Variants in ADGRL4 observed in about 807,000 individuals in gnomAD.
ADGRL4 encodes adhesion G protein-coupled receptor L4, also known as EGF, latrophilin and seven transmembrane domain containing 1.
In ADGRL4, 90 loss-of-function variants were observed where a neutral mutation model predicts 74.8. The observed-to-expected ratio is 1.20, with a 90% confidence interval of 1.02 to 1.43. The LOEUF (loss-of-function observed/expected upper bound fraction) is 1.43. Ranked by LOEUF, ADGRL4 falls within the 40% of genes most tolerant of loss-of-function variation. The pLI is 0.00. For missense variants in ADGRL4, 881 were observed against 814.3 expected, an observed-to-expected ratio of 1.08 and a Z score of -1.00; for synonymous variants, 311 against 279.2, an observed-to-expected ratio of 1.11 and a Z score of -1.14.
Position 78,943,264 on chromosome 1 carries a change from A to T in ADGRL4, c.325+3010T>A, listed in dbSNP as rs1259112369. On this transcript the variant is annotated intron_variant, in intron 3 of 14. Transcript: ENST00000370742. ...TGCTCTAAAACACATGGTGAAATTG[A>T]AGGAATTCATGGCTTCTATTAATTT... 2.6e-5 allele frequency among the ~76,000 whole-genome samples: 4 copies of T among 152,186 alleles called. No individual in the cohort carries two copies. The East Asian group carries it at 7.7e-4, about 29-fold the overall frequency.
chr1:78,970,728 A>C (rs1650151348), intron 2 of ADGRL4, among the ~76,000 whole-genome samples: 1 of 152,036 alleles, frequency 6.6e-6, no homozygotes, highest in Non-Finnish European at 1.5e-5. Flanking sequence ...CCATTGAAAA[A>C]ATCTCTTTGT....
At chr1:78,892,998 A>T in intron 13 of ADGRL4, 100 bp downstream of exon 13, 1 of 702,650 alleles carries the variant, frequency 1.4e-6, no homozygotes, top group Non-Finnish European at 2.3e-6. Flanking sequence ...GTATGAAACA[A>T]TCATTTAAAA....
chr1:78,917,520 A>G (rs945405695), intron 12 of ADGRL4, 114 bp downstream of exon 12: 9 of 589,098 alleles, frequency 1.5e-5, no homozygotes, highest in Admixed American at 3.5e-5. Flanking sequence ...TAAGTGATAT[A>G]CTGTAAAATA....
At chr1:78,918,259 A>G (rs1376811991) in intron 10 of ADGRL4, among the ~76,000 whole-genome samples, 1 of 151,818 alleles carries the variant, frequency 6.6e-6, no homozygotes, top group Non-Finnish European at 1.5e-5. Flanking sequence ...ATATTAACCA[A>G]TCTTGTGATA....
chr1:78,934,799 A>G (rs1282720415), intron 7 of ADGRL4, among the ~76,000 whole-genome samples: 1 of 152,248 alleles, frequency 6.6e-6, no homozygotes, highest in Non-Finnish European at 1.5e-5. Context: ...CAAACATGAA[A>G]AAAAAGCTCG....
chr1:79,003,505 A>ATT (rs56214126), intron 2 of ADGRL4, among the ~76,000 whole-genome samples: 12 of 150,664 alleles, frequency 8.0e-5, no homozygotes, highest in South Asian at 2.1e-4. Flanking sequence ...GTCTTAAAGA[A>ATT]TTTTTTTTTT....
intron 7 of ADGRL4, among the ~76,000 whole-genome samples, chr1:78,934,844 G>C (rs7538173): frequency 0.61 from 93,284 of 152,060 alleles, 28,776 homozygotes; most frequent in East Asian, 0.7. Flanking sequence ...CAAATCAAAA[G>C]CACAAGGAGA....
intron 2 of ADGRL4, among the ~76,000 whole-genome samples, chr1:78,951,732 T>A (rs1026884722): frequency 3.9e-5 from 6 of 152,320 alleles, no homozygotes; most frequent in African/African-American, 1.2e-4. Flanking sequence ...ATGGGTTAAA[T>A]CATGCTAGCG....
chr1:78,923,636 C>CT (rs917046129), intron 8 of ADGRL4, among the ~76,000 whole-genome samples: 1 of 151,638 alleles, frequency 6.6e-6, no homozygotes, highest in African/African-American at 2.4e-5. Flanking sequence ...CAGAAAATAG[C>CT]TTTTTTAAAA....
intron 12 of ADGRL4, among the ~76,000 whole-genome samples, chr1:78,912,125 C>T (rs951935189): frequency 6.6e-6 from 1 of 151,886 alleles, no homozygotes; most frequent in African/African-American, 2.4e-5. Flanking sequence ...CACATTGCAA[C>T]TGTGACTCCT....
At chr1:78,901,163 T>C (rs754346122) in intron 12 of ADGRL4, among the ~76,000 whole-genome samples, 15 of 152,182 alleles carry the variant, frequency 9.9e-5, no homozygotes, top group Non-Finnish European at 2.1e-4. Flanking sequence ...ATATTTACAC[T>C]TAAAAATTAA....
chr1:79,004,557 T>C (rs1269430113), intron 2 of ADGRL4, among the ~76,000 whole-genome samples: 1 of 152,138 alleles, frequency 6.6e-6, no homozygotes, highest in Non-Finnish European at 1.5e-5. Context: ...AGATGACGTC[T>C]TTTCAAAATT....
chr1:78,936,123 C>CAA (rs34223643), intron 7 of ADGRL4, among the ~76,000 whole-genome samples, 172 bp downstream of exon 7: 17 of 19,314 alleles, frequency 8.8e-4, no homozygotes, highest in South Asian at 3.6e-3. Context: ...GACTCCGTCT[C>CAA]AAAAAAAAAA....
intron 3 of ADGRL4, among the ~76,000 whole-genome samples, chr1:78,944,371 A>G (rs1407308671): frequency 1.3e-5 from 2 of 152,218 alleles, no homozygotes; most frequent in African/African-American, 2.4e-5. Flanking sequence ...AAAGGTAAAA[A>G]GCACATTATA....
intron 12 of ADGRL4, among the ~76,000 whole-genome samples, chr1:78,902,265 A>C (rs1161245362): frequency 6.6e-6 from 1 of 152,082 alleles, no homozygotes; most frequent in Non-Finnish European, 1.5e-5. Flanking sequence ...ACATCCCCCA[A>C]AATTAAAATT....
Position 78,941,974 on chromosome 1 carries a change from T to C in ADGRL4, c.326-2716A>G, listed in dbSNP as rs1570244196. Among the ~76,000 whole-genome samples the C allele has an allele frequency of 2.6e-5, 4 of 150,998 alleles. No homozygotes were observed. The South Asian group carries it at 8.4e-4, about 32-fold the overall frequency. On this transcript the variant is annotated intron_variant, in intron 3 of 14. Coordinates refer to ENST00000370742, the MANE Select transcript of ADGRL4 (RefSeq NM_022159.4). ...CAGCACTTTGGGAGGCCGAGGCGGG[T>C]GGATCACGAGGTCAGGAGATCGAGA...
At chr1:78,988,503 C>T (rs1294363793) in intron 2 of ADGRL4, among the ~76,000 whole-genome samples, 1 of 151,888 alleles carries the variant, frequency 6.6e-6, no homozygotes, top group African/African-American at 2.4e-5. Context: ...TAAACTGTAA[C>T]TCAGAAATGT....
At chr1:78,904,459 T>C (rs2100657651) in intron 12 of ADGRL4, among the ~76,000 whole-genome samples, 1 of 152,166 alleles carries the variant, frequency 6.6e-6, no homozygotes, top group South Asian at 2.1e-4. Flanking sequence ...TATTTTAAAG[T>C]ATGTTTTACA....
chr1:78,914,915 C>T (rs1054704312), intron 12 of ADGRL4, among the ~76,000 whole-genome samples: 4 of 151,810 alleles, frequency 2.6e-5, no homozygotes, highest in African/African-American at 9.7e-5. Flanking sequence ...ATTACCATTG[C>T]TAGTTGTGGC....
Sources: gnomAD v4.1 joint callset for allele counts (sites outside exome capture counted in the v4.1 genomes callset) on GRCh38, gnomAD v4.1.1 for gene constraint, MANE v1.5 for transcripts, NCBI Gene and HGNC (gene_info 2026-07-23, HGNC 2026-07-21) for gene names.